Variants in LRRC63 observed in about 807,000 individuals in gnomAD.
LRRC63 encodes the protein leucine-rich repeat-containing protein 63.
LRRC63 carries 40 observed loss-of-function variants against 49.5 expected under a neutral mutation model. The observed-to-expected ratio is 0.81, with a 90% CI of 0.63 to 1.05. The LOEUF is 1.05. Ranked by LOEUF, LRRC63 falls within the 50% of genes least tolerant of loss-of-function variation. The pLI is 0.00. For synonymous variants in LRRC63, 191 were observed against 221.1 expected, an observed-to-expected ratio of 0.86 and a Z score of 1.21; for missense variants, 636 against 663.1, an observed-to-expected ratio of 0.96 and a Z score of 0.45.
chr13:46,239,182 A>G (rs2046986190), intron 5 of LRRC63, among the ~76,000 whole-genome samples: 1 of 152,216 alleles, frequency 6.6e-6, no homozygotes, highest in Non-Finnish European at 1.5e-5. Flanking sequence ...AATTCAAAAG[A>G]TCAGCAGATC....
At chr13:46,230,318 T>C (rs1444652322) in intron 4 of LRRC63, among the ~76,000 whole-genome samples, 1 of 152,192 alleles carries the variant, frequency 6.6e-6, no homozygotes, top group Non-Finnish European at 1.5e-5. Context: ...TTGGGTTCTC[T>C]AGAGGGACAG....
At chr13:46,251,145 A>G (rs1407480135) in intron 7 of LRRC63, among the ~76,000 whole-genome samples, 1 of 151,890 alleles carries the variant, frequency 6.6e-6, no homozygotes, top group Admixed American at 6.6e-5. Flanking sequence ...AGAGAAAGGG[A>G]CTCATAAATA....
intron 6 of LRRC63, among the ~76,000 whole-genome samples, chr13:46,247,258 T>C (rs2047240060): frequency 6.6e-6 from 1 of 152,138 alleles, no homozygotes. Flanking sequence ...TGAAAACATA[T>C]ATTTTCCATA....
At chr13:46,234,812 C>T (rs2046860828) in intron 5 of LRRC63, among the ~76,000 whole-genome samples, 1 of 152,124 alleles carries the variant, frequency 6.6e-6, no homozygotes, top group Admixed American at 6.5e-5. Context: ...GATAAGAACA[C>T]TGAGCCTTAA....
intron 4 of LRRC63, among the ~76,000 whole-genome samples, chr13:46,231,448 A>G (rs1326425707): frequency 6.6e-6 from 1 of 152,172 alleles, no homozygotes; most frequent in Non-Finnish European, 1.5e-5. Context: ...AAGAGCAGGT[A>G]TATCACACCA....
chr13:46,269,906 C>CATATATATATATATATATATAT (rs149054055), intron 9 of LRRC63, among the ~76,000 whole-genome samples: 7 of 145,622 alleles, frequency 4.8e-5, no homozygotes, highest in Non-Finnish European at 9.0e-5. Flanking sequence ...ACACTATATA[C>CATATATATATATATATATATAT]ATATATATAT....
intron 4 of LRRC63, among the ~76,000 whole-genome samples, chr13:46,233,869 T>C (rs2046831829): frequency 6.6e-6 from 1 of 152,196 alleles, no homozygotes; most frequent in Admixed American, 6.5e-5. Flanking sequence ...CGTAGTAAAT[T>C]TTAAGAGAAC....
chr13:46,223,161 T>G (rs998349369), intron 2 of LRRC63, among the ~76,000 whole-genome samples: 8 of 151,608 alleles, frequency 5.3e-5, no homozygotes, highest in African/African-American at 1.9e-4. Context: ...TGTATACATA[T>G]GTAACTAACC....
chr13:46,242,839 A>G (rs2047103588), intron 5 of LRRC63, among the ~76,000 whole-genome samples: 2 of 152,160 alleles, frequency 1.3e-5, no homozygotes, highest in South Asian at 4.1e-4. Flanking sequence ...AAGGAGAGAT[A>G]AAGACTTTCC....
At chr13:46,258,351 G>T (rs192058516) in intron 7 of LRRC63, among the ~76,000 whole-genome samples, 1 of 149,940 alleles carries the variant, frequency 6.7e-6, no homozygotes, top group Non-Finnish European at 1.5e-5. Flanking sequence ...GGCTGGTCTT[G>T]AACTCCTGAC....
intron 7 of LRRC63, among the ~76,000 whole-genome samples, chr13:46,258,688 A>G (rs542399314): frequency 7.8e-4 from 118 of 150,570 alleles, no homozygotes; most frequent in Admixed American, 1.3e-3. Flanking sequence ...TGTGCCTGTA[A>G]TCCCAGCTAC....
chr13:46,232,110 C>T (rs1216715), intron 4 of LRRC63, among the ~76,000 whole-genome samples: 53,628 of 151,280 alleles, frequency 0.35, 10,149 homozygotes, highest in African/African-American at 0.48. Context: ...CCACTGCGCC[C>T]GGCCTGCCAC....
At chr13:46,274,308 A>G (rs2047801600) in intron 9 of LRRC63, among the ~76,000 whole-genome samples, 1 of 152,222 alleles carries the variant, frequency 6.6e-6, no homozygotes, top group African/African-American at 2.4e-5. Flanking sequence ...TAGTAAAAAT[A>G]AGAACAGTGA....
intron 8 of LRRC63, among the ~76,000 whole-genome samples, chr13:46,264,551 C>T (rs2047656913): frequency 6.6e-6 from 1 of 152,126 alleles, no homozygotes; most frequent in Non-Finnish European, 1.5e-5. Flanking sequence ...TTTAGTTTTA[C>T]ACATCATGCA....
At chr13:46,274,315 G>A (rs1440731642) in intron 9 of LRRC63, among the ~76,000 whole-genome samples, 2 of 152,214 alleles carry the variant, frequency 1.3e-5, no homozygotes, top group African/African-American at 4.8e-5. Context: ...AATAAGAACA[G>A]TGAGGGAGGG....
rs980231288 is a variant in LRRC63 at position 46,266,584 on chromosome 13, C to T, written c.1311-149C>T. 1.3e-5 allele frequency: 9 copies of T among 677,266 alleles called. No individual in the cohort carries two copies. The African/African-American group carries it at 1.6e-4, about 12-fold the overall frequency. 42.0% of individuals were successfully genotyped at this position (677,266 alleles called of 1,614,324 possible). Reference sequence around the variant, plus strand: ...GGTTCTATTGCTTTATAAATTAATTCTCTTGATTCTAAAGAAATACTTAAA... The same window carrying T: ...GGTTCTATTGCTTTATAAATTAATTTTCTTGATTCTAAAGAAATACTTAAA... On this transcript the variant is annotated intron_variant, in intron 8 of 9. Transcript: ENST00000595396.
At position 46,270,701 on chromosome 13, in the gene LRRC63, A is replaced by G; in HGVS notation, c.1550+3729A>G. The stretch of plus-strand genomic sequence containing the variant: ...ATCAGTGCACGAAAGGAGAAGAACC[A>G]GTATCTGTGAAGCATACTTCACAGC... On this transcript the variant is annotated intron_variant, in intron 9 of 9. Coordinates refer to ENST00000595396, the Ensembl canonical transcript of LRRC63. 6.2e-6 allele frequency: 4 copies of G among 643,376 alleles called. No individual in the cohort carries two copies. The South Asian group carries it at 6.3e-5, about 10-fold the overall frequency. The allele number at this position is 643,376 out of a possible 1,614,324, so 39.9% of individuals were successfully genotyped here.
chr13:46,261,530 G>A (rs927017139), intron 7 of LRRC63, among the ~76,000 whole-genome samples: 3 of 152,188 alleles, frequency 2.0e-5, no homozygotes, highest in Non-Finnish European at 4.4e-5. Flanking sequence ...AACCAGCCCT[G>A]CTAATACCTT....
At chr13:46,263,121 T>C (rs920105628) in intron 8 of LRRC63, among the ~76,000 whole-genome samples, 4 of 152,150 alleles carry the variant, frequency 2.6e-5, no homozygotes, top group African/African-American at 9.7e-5. Flanking sequence ...CTTTCCCCTT[T>C]TCCTACCTAT....
Sources: allele counts gnomAD v4.1 joint callset (sites outside exome capture counted in the v4.1 genomes callset), GRCh38; gene constraint gnomAD v4.1.1; transcripts MANE v1.5; gene names NCBI Gene and HGNC (gene_info 2026-07-23, HGNC 2026-07-21).